Variants in LRFN5 observed in about 807,000 individuals in gnomAD.
LRFN5 encodes the protein leucine-rich repeat and fibronectin type-III domain-containing protein 5.
In LRFN5, 24 loss-of-function variants were observed where a neutral mutation model predicts 45.6. That is an observed-to-expected ratio of 0.53 (90% CI 0.38 to 0.74). The LOEUF is 0.74. Ranked by LOEUF, LRFN5 falls within the 30% of genes least tolerant of loss-of-function variation. The pLI is 0.00. For synonymous variants in LRFN5, 340 were observed against 313.8 expected, an observed-to-expected ratio of 1.08 and a Z score of -0.88; for missense variants, 776 against 861.5, an observed-to-expected ratio of 0.90 and a Z score of 1.24.
chr14:41,633,160 T>A (rs1001956778), intron 1 of LRFN5, among the ~76,000 whole-genome samples: 1 of 152,062 alleles, frequency 6.6e-6, no homozygotes, highest in Non-Finnish European at 1.5e-5. Context: ...AAATACAGCA[T>A]AATAAATGAC....
chr14:41,856,923 C>T (rs1052037907), intron 2 of LRFN5, among the ~76,000 whole-genome samples: 27 of 151,008 alleles, frequency 1.8e-4, no homozygotes, highest in African/African-American at 5.8e-4. Context: ...CTCGGCCTCC[C>T]AAAGTGCTGG....
At chr14:41,766,324 A>G (rs947591718) in intron 1 of LRFN5, among the ~76,000 whole-genome samples, 25 of 152,210 alleles carry the variant, frequency 1.6e-4, no homozygotes, top group Non-Finnish European at 2.9e-4. Flanking sequence ...AAGTTAAAAA[A>G]TAAATGGCAT....
intron 1 of LRFN5, among the ~76,000 whole-genome samples, chr14:41,680,057 G>A (rs1258487478): frequency 6.6e-6 from 1 of 152,128 alleles, no homozygotes; most frequent in Non-Finnish European, 1.5e-5. Context: ...GAGTTGGAAG[G>A]ACTTCACTCT....
chr14:41,880,338 ACT>A (rs1409220401), intron 2 of LRFN5, among the ~76,000 whole-genome samples: 6 of 151,054 alleles, frequency 4.0e-5, no homozygotes, highest in East Asian at 3.9e-4. Flanking sequence ...TCTTCTATTT[ACT>A]CTCTTTTGTA....
At chr14:41,711,468 G>A (rs924051701) in intron 1 of LRFN5, among the ~76,000 whole-genome samples, 2 of 152,104 alleles carry the variant, frequency 1.3e-5, no homozygotes, top group African/African-American at 2.4e-5. Flanking sequence ...TAAGAAAAAT[G>A]TTCTACATAG....
chr14:41,661,640 A>G (rs146093054), intron 1 of LRFN5, among the ~76,000 whole-genome samples: 48 of 152,180 alleles, frequency 3.2e-4, no homozygotes, highest in African/African-American at 1.1e-3. Flanking sequence ...GTGGTGGCAA[A>G]TAAGAAAATC....
At chr14:41,653,979 A>T (rs1317581840) in intron 1 of LRFN5, among the ~76,000 whole-genome samples, 1 of 151,980 alleles carries the variant, frequency 6.6e-6, no homozygotes, top group Non-Finnish European at 1.5e-5. Flanking sequence ...GTTCTCACTC[A>T]TAGGTGGGAA....
Position 41,887,360 on chromosome 14 carries a change from T to C in LRFN5, c.735T>C (p.Asn245=). 6.2e-7 allele frequency: 1 copy of C among 1,614,200 alleles called. No homozygotes were observed. The highest frequency in any genetic ancestry group is 8.5e-7 in the Non-Finnish European group (1 of 1,180,032). Residue 245 remains asparagine (N), a synonymous_variant, in exon 3 of 6, where the codon AAT becomes AAC. Coordinates refer to ENST00000298119, the MANE Select transcript of LRFN5 (RefSeq NM_152447.5). This position sits in a 1 kb window ranked among gnomAD's most constrained non-coding sequence, Gnocchi z 4.8. ...TTGGTGGAAACCCCTTGCATTGCAA[T>C]TGTGAATTGTTGTGGTTGAGGCGTC... The part of the protein sequence containing the change: ...LSFGGNPLHC[N]CELLWLRRLS...
intron 2 of LRFN5, among the ~76,000 whole-genome samples, chr14:41,817,412 G>A (rs1397051697): frequency 1.3e-5 from 2 of 152,188 alleles, no homozygotes; most frequent in South Asian, 4.1e-4. Flanking sequence ...TGACATGGTG[G>A]CAATGGATAG....
intron 1 of LRFN5, among the ~76,000 whole-genome samples, chr14:41,766,237 A>G (rs533902986): frequency 6.6e-6 from 1 of 152,316 alleles, no homozygotes; most frequent in African/African-American, 2.4e-5. Context: ...ATTGTGTTTT[A>G]TAGAGCCAAG....
intron 2 of LRFN5, among the ~76,000 whole-genome samples, chr14:41,884,730 C>G (rs1485132087): frequency 1.3e-5 from 2 of 152,148 alleles, no homozygotes; most frequent in African/African-American, 4.8e-5. Context: ...ATCCCCTGTA[C>G]AGCCCATGTT....
intron 1 of LRFN5, among the ~76,000 whole-genome samples, chr14:41,651,549 C>A (rs1340783852): frequency 6.6e-6 from 1 of 152,090 alleles, no homozygotes; most frequent in Non-Finnish European, 1.5e-5. Flanking sequence ...CTAATTTCTC[C>A]ATGTAGTTAT....
At chr14:41,850,106 G>A (rs1184223895) in intron 2 of LRFN5, among the ~76,000 whole-genome samples, 1 of 151,832 alleles carries the variant, frequency 6.6e-6, no homozygotes, top group African/African-American at 2.4e-5. Context: ...TATGTATAGT[G>A]CATGTATAAT....
Position 41,794,654 on chromosome 14 carries a change from A to G in LRFN5, c.-21+27625A>G, listed in dbSNP as rs528310928. 2.2e-3 allele frequency among the ~76,000 whole-genome samples: 331 copies of G among 152,208 alleles called. 1 individual carries two copies. The highest frequency in any genetic ancestry group is 3.5e-3 in the Non-Finnish European group (236 of 67,978). On this transcript the variant is annotated intron_variant, in intron 2 of 5. Transcript: ENST00000298119. ...GGTACTGACATCAATAAGTGAAGGT[A>G]CCTTTCTTGAGATGATTGTCCTTTG...
chr14:41,842,319 A>G (rs1368036637), intron 2 of LRFN5, among the ~76,000 whole-genome samples: 1 of 152,130 alleles, frequency 6.6e-6, no homozygotes, highest in Non-Finnish European at 1.5e-5. Flanking sequence ...GACAGTGACA[A>G]GCATCATTGT....
chr14:41,745,050 ACT>A (rs1373547835), intron 1 of LRFN5, among the ~76,000 whole-genome samples: 1 of 151,984 alleles, frequency 6.6e-6, no homozygotes, highest in Non-Finnish European at 1.5e-5. Flanking sequence ...TACACAGAAC[ACT>A]CTACCCAACA....
At chr14:41,775,428 T>C (rs916322094) in intron 2 of LRFN5, among the ~76,000 whole-genome samples, 5 of 152,156 alleles carry the variant, frequency 3.3e-5, no homozygotes, top group African/African-American at 1.2e-4. Context: ...AGGTGACTTT[T>C]CCTCTTAATG....
At chr14:41,689,380 A>G (rs1882265137) in intron 1 of LRFN5, among the ~76,000 whole-genome samples, 1 of 152,176 alleles carries the variant, frequency 6.6e-6, no homozygotes, top group Admixed American at 6.5e-5. Flanking sequence ...TAAAAAGAAA[A>G]CATGACTTTG....
At chr14:41,778,244 A>G (rs546398904) in intron 2 of LRFN5, among the ~76,000 whole-genome samples, 21 of 151,852 alleles carry the variant, frequency 1.4e-4, no homozygotes, top group African/African-American at 5.1e-4. Flanking sequence ...GCAATTAGGC[A>G]TGTGTTTCAT....
Sources: gnomAD v4.1 joint callset for allele counts (sites outside exome capture counted in the v4.1 genomes callset) on GRCh38, gnomAD v4.1.1 for gene constraint, Gnocchi (gnomAD v3.1) non-coding constraint, MANE v1.5 for transcripts, NCBI Gene and HGNC (gene_info 2026-07-23, HGNC 2026-07-21) for gene names.